SCAMP2: variants seen among roughly 807,000 people sequenced by gnomAD.
The protein encoded by SCAMP2 is secretory carrier-associated membrane protein 2.
Under a neutral mutation model 44.1 loss-of-function variants are expected in SCAMP2, and 25 were observed. The observed-to-expected ratio is 0.57, with a 90% CI of 0.41 to 0.79. The LOEUF (loss-of-function observed/expected upper bound fraction) is 0.79. Ranked by LOEUF, SCAMP2 falls within the 30% of genes least tolerant of loss-of-function variation. The pLI, the probability that SCAMP2 is intolerant of heterozygous loss-of-function variation, is 0.00. For missense variants in SCAMP2, 355 were observed against 411.0 expected, an observed-to-expected ratio of 0.86 and a Z score of 1.18; for synonymous variants, 156 against 166.0, an observed-to-expected ratio of 0.94 and a Z score of 0.46.
At chr15:74,849,596 T>C (rs186626262) in intron 6 of SCAMP2, among the ~76,000 whole-genome samples, 1 of 151,948 alleles carries the variant, frequency 6.6e-6, no homozygotes, top group East Asian at 1.9e-4. Flanking sequence ...ATACAAAAAT[T>C]AGCCAGGTGT....
intron 1 of SCAMP2, among the ~76,000 whole-genome samples, chr15:74,868,566 T>C (rs536996253): frequency 6.6e-6 from 1 of 152,314 alleles, no homozygotes; most frequent in Middle Eastern, 3.4e-3. Flanking sequence ...TTTTTTGAGA[T>C]AGAGTTTCAC....
intron 7 of SCAMP2, among the ~76,000 whole-genome samples, chr15:74,846,559 C>T (rs536821283): frequency 6.6e-6 from 1 of 152,038 alleles, no homozygotes; most frequent in Non-Finnish European, 1.5e-5. Context: ...GTCAGCAGAT[C>T]GAGACCATCC....
At chr15:74,847,946 G>C (rs1412324181) in intron 7 of SCAMP2, among the ~76,000 whole-genome samples, 1 of 152,204 alleles carries the variant, frequency 6.6e-6, no homozygotes, top group Non-Finnish European at 1.5e-5. Flanking sequence ...GCTTTCAGGA[G>C]GGTGTGGCAG....
At chr15:74,865,380 CA>C (rs71140104) in intron 1 of SCAMP2, among the ~76,000 whole-genome samples, 100 of 108,722 alleles carry the variant, frequency 9.2e-4, no homozygotes, top group Non-Finnish European at 8.9e-4. Flanking sequence ...GACTTTGTCT[CA>C]AAAAAAAAAA....
intron 1 of SCAMP2, among the ~76,000 whole-genome samples, chr15:74,862,873 C>T (rs2064517608): frequency 6.8e-6 from 1 of 147,616 alleles, no homozygotes; most frequent in Non-Finnish European, 1.5e-5. Flanking sequence ...CACACACACA[C>T]ACACACACAC....
At chr15:74,857,692 C>G (rs1193528659) in intron 1 of SCAMP2, among the ~76,000 whole-genome samples, 1 of 152,204 alleles carries the variant, frequency 6.6e-6, no homozygotes, top group Non-Finnish European at 1.5e-5. Flanking sequence ...CATAGGGTGA[C>G]TGCCCTGTCC....
At chr15:74,861,114 G>A (rs1302208312) in intron 1 of SCAMP2, among the ~76,000 whole-genome samples, 4 of 152,006 alleles carry the variant, frequency 2.6e-5, no homozygotes, top group Admixed American at 2.0e-4. Flanking sequence ...GGCAGAGGTT[G>A]CAGTGAGCCA....
At chr15:74,852,235 A>C in intron 3 of SCAMP2, 49 bp from the exon 4 acceptor site, 6 of 1,320,720 alleles carry the variant, frequency 4.5e-6, no homozygotes, top group Non-Finnish European at 6.0e-6. Context: ...AACAAACAGA[A>C]ACAGTGTCAG....
At chr15:74,853,698 G>T in intron 3 of SCAMP2, 1 of 448,330 alleles carries the variant, frequency 2.2e-6, no homozygotes, top group East Asian at 4.6e-5. Flanking sequence ...CCCCAAGGAA[G>T]AGAGAACAAG....
intron 1 of SCAMP2, among the ~76,000 whole-genome samples, chr15:74,857,649 G>T (rs2064476301): frequency 6.6e-6 from 1 of 152,162 alleles, no homozygotes; most frequent in Non-Finnish European, 1.5e-5. Flanking sequence ...TTTCCTTTAT[G>T]AATGGCAGAC....
chr15:74,856,405 G>C (rs2064469428), intron 1 of SCAMP2, among the ~76,000 whole-genome samples: 1 of 150,474 alleles, frequency 6.6e-6, no homozygotes, highest in Non-Finnish European at 1.5e-5. Context: ...CTCCTGAGTA[G>C]CTGGGATTAC....
At chr15:74,855,235 C>G (rs1173387225) in intron 1 of SCAMP2, among the ~76,000 whole-genome samples, 1 of 152,026 alleles carries the variant, frequency 6.6e-6, no homozygotes, top group Non-Finnish European at 1.5e-5. Context: ...TCCTGAGTAG[C>G]TGGGACTACA....
At chr15:74,861,035 C>T (rs1003178536) in intron 1 of SCAMP2, among the ~76,000 whole-genome samples, 8 of 151,826 alleles carry the variant, frequency 5.3e-5, no homozygotes, top group African/African-American at 1.7e-4. Context: ...ATTAGCCAGG[C>T]ATGGTGGCGG....
At chr15:74,856,688 G>A (rs1381547019) in intron 1 of SCAMP2, among the ~76,000 whole-genome samples, 1 of 151,572 alleles carries the variant, frequency 6.6e-6, no homozygotes, top group Non-Finnish European at 1.5e-5. Context: ...CAAACTCCTG[G>A]GCTCAAGCAT....
In SCAMP2 at chr15:74,848,665, A is replaced by AG; in HGVS notation, c.668_669insC (p.Val224CysfsTer33). The AG allele has an allele frequency of 6.2e-7, 1 of 1,613,898 alleles. No homozygotes were observed. Among genetic ancestry groups the AG allele is most frequent in the South Asian group, 1.1e-5 (1 of 91,072 alleles). ...AGATCCCTATTTGACAAAAAAATAC[A>AG]AAGAAGAACACAAAGAAGCTGAAAG... On this transcript the variant is annotated frameshift_variant, in exon 7 of 9. Transcript: ENST00000268099. LOFTEE classifies it high-confidence loss of function.
At chr15:74,865,202 G>T (rs1429410458) in intron 1 of SCAMP2, among the ~76,000 whole-genome samples, 1 of 150,944 alleles carries the variant, frequency 6.6e-6, no homozygotes, top group African/African-American at 2.4e-5. Flanking sequence ...CCAACATAGT[G>T]AAACCCCATC....
At chr15:74,853,915 GC>G (rs1415809406) in intron 3 of SCAMP2, 105 bp downstream of exon 3, 1 of 1,034,626 alleles carries the variant, frequency 9.7e-7, no homozygotes, top group African/African-American at 1.6e-5. Flanking sequence ...CCCTTAGGGG[GC>G]CAAGGCTGAA....
At chr15:74,865,552 G>A (rs2064536901) in intron 1 of SCAMP2, among the ~76,000 whole-genome samples, 1 of 151,888 alleles carries the variant, frequency 6.6e-6, no homozygotes, top group Non-Finnish European at 1.5e-5. Context: ...CTGGTTGGAA[G>A]GATTGGGAAG....
chr15:74,854,574 CACCA>C lies in SCAMP2; in HGVS notation c.126+3_126+6del. The C allele has an allele frequency of 6.3e-7, 1 of 1,593,744 alleles. No homozygotes were observed. The highest frequency in any genetic ancestry group is 8.5e-7 in the Non-Finnish European group (1 of 1,169,972). ...ATGGGACTTGGAAAGAGGGCCTGCT[CACCA>C]ACCTCTGAGAAGGGGTTGAATTCCG... On this transcript the variant is annotated splice_donor_5th_base_variant and intron_variant, in intron 2 of 8. Coordinates refer to ENST00000268099, the MANE Select transcript of SCAMP2 (RefSeq NM_005697.5).
Sources: allele counts gnomAD v4.1 joint callset (sites outside exome capture counted in the v4.1 genomes callset), GRCh38; gene constraint gnomAD v4.1.1; transcripts MANE v1.5; gene names NCBI Gene and HGNC (gene_info 2026-07-23, HGNC 2026-07-21).